Variants in CHST3 observed in about 807,000 individuals in gnomAD.
The protein encoded by CHST3 is carbohydrate sulfotransferase 3, also known as C6ST-1.
A neutral mutation model predicts 35.4 loss-of-function variants in CHST3; 20 were observed. The ratio of observed to expected loss-of-function variants is 0.57; its 90% CI spans 0.40 to 0.82. The LOEUF is 0.82. Among genes scored for constraint, CHST3 ranks in the 40% least tolerant of loss-of-function variants. CHST3 has a pLI of 0.00. For missense variants in CHST3, 693 were observed against 670.1 expected (o/e 1.03, Z -0.38); for synonymous variants, 334 against 295.9 (o/e 1.13, Z -1.32).
Position 72,010,413 on chromosome 10 carries a change from G to A in CHST3, c.*1942G>A, listed in dbSNP as rs986323457. The stretch of plus-strand genomic sequence containing the variant: ...GTAATATGGACACCATGGAAGTACA[G>A]GATCTGAGTCCAACATTGCCATGGG... On this transcript the variant is annotated 3_prime_UTR_variant, in exon 3 of 3. Transcript: ENST00000373115. 6.6e-6 allele frequency: 1 copy of A among 152,216 alleles called. No individual in the cohort carries two copies. The highest frequency in any genetic ancestry group is 1.5e-5 in the Non-Finnish European group (1 of 68,058). 9.4% of individuals were successfully genotyped at this position (152,216 alleles called of 1,614,324 possible).
intron 1 of CHST3, among the ~76,000 whole-genome samples, chr10:72,000,070 C>T (rs918818171): frequency 3.9e-5 from 6 of 152,248 alleles, no homozygotes; most frequent in East Asian, 1.9e-4. Flanking sequence ...TCCCAGCACA[C>T]GCCCTCAGCA....
At position 72,011,167 on chromosome 10, in the gene CHST3, C is replaced by G. The variant is rs1840106052; in HGVS notation, c.*2696C>G. The G allele has an allele frequency of 6.6e-6, 1 of 152,222 alleles. No homozygotes were observed. Among genetic ancestry groups the G allele is most frequent in the Non-Finnish European group, 1.5e-5 (1 of 68,042 alleles). The allele number at this position is 152,222 out of a possible 1,614,324, so 9.4% of individuals were successfully genotyped here. On this transcript the variant is annotated 3_prime_UTR_variant, in exon 3 of 3. Coordinates refer to ENST00000373115, the MANE Select transcript of CHST3 (RefSeq NM_004273.5). ...GGACACCAGAAGACGATTCAGAACA[C>G]AAGAGGAGAATGAGCTGGAGCGCCA...
In CHST3 at chr10:71,986,566, G is replaced by T. The variant is rs1047227213; in HGVS notation, c.-107-19170G>T. ...TTTGGCCCGGGGTGGAAATTGACTT[G>T]CCCTCTTAGCTGAGAAACCGTTTGG... On this transcript the variant is annotated intron_variant, in intron 1 of 2. Coordinates refer to ENST00000373115, the MANE Select transcript of CHST3 (RefSeq NM_004273.5). 4.6e-5 allele frequency among the ~76,000 whole-genome samples: 7 copies of T among 152,180 alleles called. No homozygotes were observed. In the South Asian group the frequency reaches 1.5e-3, roughly 32 times the overall value.
In CHST3 at chr10:71,987,294, A is replaced by AT. The variant is rs528673454; in HGVS notation, c.-107-18441dup. 2.2e-3 allele frequency among the ~76,000 whole-genome samples: 332 copies of AT among 152,234 alleles called. 3 individuals carry two copies. The highest frequency in any genetic ancestry group is 0.02 in the Admixed American group (311 of 15,296). ...GGCGGGAGCAGGAAAAAAAAAAAGA[A>AT]TAAGAAGAAAAGAGGCTGGAGTTCC... On this transcript the variant is annotated intron_variant, in intron 1 of 2. Transcript: ENST00000373115.
intron 2 of CHST3, 144 bp from the exon 3 acceptor site, chr10:72,007,028 A>T (rs1447999891): frequency 2.2e-6 from 2 of 900,500 alleles, no homozygotes; most frequent in Non-Finnish European, 3.5e-6. Context: ...AACTTACTTA[A>T]ACACAAATCC....
intron 1 of CHST3, among the ~76,000 whole-genome samples, chr10:72,000,611 TG>T: frequency 6.6e-6 from 1 of 151,752 alleles, no homozygotes. Flanking sequence ...GTGGGGGTGT[TG>T]GGAGAAGAGG....
rs1315709254 is a variant in CHST3 at position 72,010,937 on chromosome 10, C to T, written c.*2466C>T. 1 of 152,280 alleles carries T rather than the reference C, an allele frequency of 6.6e-6. No homozygotes were observed. Among genetic ancestry groups the T allele is most frequent in the Non-Finnish European group, 1.5e-5 (1 of 68,082 alleles). 9.4% of individuals were successfully genotyped at this position (152,280 alleles called of 1,614,324 possible). ...TTACTCTGGGCCAAGACCTCCCACT[C>T]CGCCCTCTGAGGATGGTACCAAGAA... is the stretch of plus-strand genomic sequence containing the variant. On this transcript the variant is annotated 3_prime_UTR_variant, in exon 3 of 3. Coordinates refer to ENST00000373115, the MANE Select transcript of CHST3 (RefSeq NM_004273.5).
rs140272473 is a variant in CHST3 at position 72,011,311 on chromosome 10, G to A, written c.*2840G>A. 3 of 152,352 alleles carry A rather than the reference G, an allele frequency of 2.0e-5. No homozygotes were observed. In the East Asian group the frequency reaches 5.8e-4, roughly 29 times the overall value. 9.4% of individuals were successfully genotyped at this position (152,352 alleles called of 1,614,324 possible). A position where few individuals can be genotyped will look rare whatever the true frequency, so the allele number is the denominator to read the frequency against. ...GTATTACCTCTGCCCGGGTGTTTGA[G>A]ACAGGTCACAAGCGCGTGGATGTTT... On this transcript the variant is annotated 3_prime_UTR_variant, in exon 3 of 3. Transcript: ENST00000373115.
intron 1 of CHST3, among the ~76,000 whole-genome samples, chr10:71,966,830 A>G (rs765027399): frequency 2.6e-5 from 4 of 152,378 alleles, no homozygotes; most frequent in East Asian, 1.9e-4. Flanking sequence ...AACTTTTTCA[A>G]TGTCACACAG....
intron 1 of CHST3, among the ~76,000 whole-genome samples, chr10:71,977,132 A>G (rs1188624920): frequency 6.6e-6 from 1 of 152,240 alleles, no homozygotes; most frequent in Non-Finnish European, 1.5e-5. Flanking sequence ...GAGGACTGTT[A>G]TTATGATAAC....
chr10:71,994,560 G>T (rs564243503), intron 1 of CHST3, among the ~76,000 whole-genome samples: 1 of 152,316 alleles, frequency 6.6e-6, no homozygotes, highest in African/African-American at 2.4e-5. Flanking sequence ...TTGCTTAATT[G>T]TTAAGGTCCC....
rs939597005 is a variant in CHST3 at position 72,002,062 on chromosome 10, C to T, written c.-107-3674C>T. Among the ~76,000 whole-genome samples, 12 of 152,308 alleles carry T rather than the reference C, an allele frequency of 7.9e-5. No homozygotes were observed. In the East Asian group the frequency reaches 1.4e-3, roughly 17 times the overall value. ...CTTCCTGGCACCATGACCCTCTCCCCGCTTCTGGCTCTGGGAAGCTCCAAA... is the reference window on the plus strand; with the variant it reads ...CTTCCTGGCACCATGACCCTCTCCCTGCTTCTGGCTCTGGGAAGCTCCAAA... On this transcript the variant is annotated intron_variant, in intron 1 of 2. Coordinates refer to ENST00000373115, the MANE Select transcript of CHST3 (RefSeq NM_004273.5).
intron 1 of CHST3, among the ~76,000 whole-genome samples, chr10:71,976,487 G>T (rs569760882): frequency 2.5e-4 from 38 of 152,322 alleles, no homozygotes; most frequent in African/African-American, 8.9e-4. Flanking sequence ...CCCCAGGAAT[G>T]CTGATAAGTT....
intron 1 of CHST3, among the ~76,000 whole-genome samples, chr10:72,005,283 T>TTGTGTG (rs761296471): frequency 0.031 from 4,639 of 149,344 alleles, 108 homozygotes; most frequent in Admixed American, 0.079. Context: ...GTCTGCACCT[T>TTGTGTG]TGTGTGTGTG....
At chr10:71,977,389 A>G (rs1199187581) in intron 1 of CHST3, among the ~76,000 whole-genome samples, 5 of 151,292 alleles carry the variant, frequency 3.3e-5, no homozygotes, top group Admixed American at 2.6e-4. Context: ...GGCAAGGGTG[A>G]TCTGACCAAA....
chr10:71,993,795 T>C (rs1490673338), intron 1 of CHST3, among the ~76,000 whole-genome samples: 2 of 151,796 alleles, frequency 1.3e-5, no homozygotes, highest in African/African-American at 4.8e-5. Flanking sequence ...CTCTACAAAT[T>C]AAAATTTAAA....
intron 1 of CHST3, among the ~76,000 whole-genome samples, chr10:71,990,879 A>G (rs569364794): frequency 6.6e-6 from 1 of 152,236 alleles, no homozygotes; most frequent in African/African-American, 2.4e-5. Flanking sequence ...TCCCATGAAC[A>G]TTATGTATTA....
intron 1 of CHST3, among the ~76,000 whole-genome samples, chr10:71,983,226 C>T (rs942103827): frequency 1.3e-5 from 2 of 152,184 alleles, no homozygotes; most frequent in Non-Finnish European, 1.5e-5. Context: ...GCCTCAGACC[C>T]GCAGGCCTGC....
rs561366883 is a variant in CHST3 at position 72,008,195 on chromosome 10, C to T, written c.1164C>T (p.Phe388=). Reference sequence around the variant, plus strand: ...AGAAGGCCCGCGAGATGTACCGCTTCGCCGGCATCCCCCTGACCCCGCAGG... The same window carrying T: ...AGAAGGCCCGCGAGATGTACCGCTTTGCCGGCATCCCCCTGACCCCGCAGG... ...PLQKAREMYR[F]AGIPLTPQVE... is the part of the protein sequence containing the mutation. The change falls in exon 3 of 3, where the codon TTC becomes TTT. Residue 388 remains phenylalanine (F), a synonymous_variant. Transcript: ENST00000373115. 1.9e-6 allele frequency: 3 copies of T among 1,550,240 alleles called. No individual in the cohort carries two copies. The highest frequency in any genetic ancestry group is 3.9e-5 in the Admixed American group (2 of 51,032).
Sources: allele counts gnomAD v4.1 joint callset (sites outside exome capture counted in the v4.1 genomes callset), GRCh38; gene constraint gnomAD v4.1.1; transcripts MANE v1.5; gene names NCBI Gene and HGNC (gene_info 2026-07-23, HGNC 2026-07-21).